CACNA1E: variants seen among roughly 807,000 people sequenced by gnomAD.
CACNA1E encodes voltage-dependent R-type calcium channel subunit alpha-1E.
Under a neutral mutation model 259.2 loss-of-function variants are expected in CACNA1E, and 40 were observed. The ratio of observed to expected loss-of-function variants is 0.15; its 90% CI spans 0.12 to 0.20. The LOEUF (loss-of-function observed/expected upper bound fraction) is 0.20, where lower values mean the gene tolerates loss of function less well. Ranked by LOEUF, CACNA1E falls within the 10% of genes least tolerant of loss-of-function variation. CACNA1E has a pLI of 1.00. For synonymous variants in CACNA1E, 1,104 were observed against 1,138.5 expected, an observed-to-expected ratio of 0.97 and a Z score of 0.61; for missense variants, 1,874 against 3,040.1, an observed-to-expected ratio of 0.62 and a Z score of 9.02.
chr1:181,550,918 G>A (rs1320515), intron 3 of CACNA1E, among the ~76,000 whole-genome samples: 21,955 of 151,954 alleles, frequency 0.14, 2,014 homozygotes, highest in Non-Finnish European at 0.2. Context: ...TGGAAGGCAA[G>A]CTTTATTTCT....
chr1:181,798,548 G>T lies in CACNA1E; in HGVS notation c.6656G>T (p.Ser2219Ile), dbSNP rs1662021654. The change falls in exon 48 of 48, where the codon AGC (serine) becomes ATC (isoleucine). Residue 2219 changes from serine to isoleucine, a missense_variant. This residue lies in a region of CACNA1E where 542 missense variants were observed against 587.2 expected (regional missense o/e 0.92). Coordinates refer to ENST00000367573, the MANE Select transcript of CACNA1E (RefSeq NM_001205293.3). The surrounding 1 kb of genome is among the most constrained non-coding windows in gnomAD (Gnocchi z 4.2). Reference sequence around the variant, plus strand: ...TCCAACTCTCCGCACCCCCAGCAGAGCCAACATGCCTCCCCACAGCGCTAC... The same window carrying T: ...TCCAACTCTCCGCACCCCCAGCAGATCCAACATGCCTCCCCACAGCGCTAC... The part of the protein sequence containing the change: ...ESSNSPHPQQ[S>I]QHASPQRYIS... 6.2e-7 allele frequency: 1 copy of T among 1,613,816 alleles called. No individual in the cohort carries two copies. The highest frequency in any genetic ancestry group is 8.5e-7 in the Non-Finnish European group (1 of 1,179,896).
At chr1:181,697,898 G>A (rs1651870059) in intron 7 of CACNA1E, among the ~76,000 whole-genome samples, 1 of 152,196 alleles carries the variant, frequency 6.6e-6, no homozygotes, top group Non-Finnish European at 1.5e-5. Flanking sequence ...ACATAAGGGT[G>A]GACTTTGCTA....
intron 39 of CACNA1E, 43 bp from the exon 40 acceptor site, chr1:181,783,636 T>A: frequency 9.0e-7 from 1 of 1,113,344 alleles, no homozygotes; most frequent in Non-Finnish European, 1.3e-6. Flanking sequence ...TCTTTCAATT[T>A]TTTTTTTTTT....
intron 7 of CACNA1E, among the ~76,000 whole-genome samples, chr1:181,655,700 C>T (rs184707626): frequency 8.3e-4 from 127 of 152,166 alleles, no homozygotes; most frequent in Non-Finnish European, 1.3e-3. Context: ...GGGCGATGAA[C>T]GGAAGTCTAG....
rs76048322 is a variant in CACNA1E at position 181,433,564 on chromosome 1, T to C, written c.434+19984T>C. Among the ~76,000 whole-genome samples, 332 of 152,326 alleles carry C rather than the reference T, an allele frequency of 2.2e-3. 2 individuals carry two copies. Among genetic ancestry groups the C allele is most frequent in the African/African-American group, 7.7e-3 (322 of 41,580 alleles). ...GAAACAATTGGGAAATATAGGAGCT[T>C]ATAAAGAATAATATAAAAATCACTC... On this transcript the variant is annotated intron_variant, in intron 2 of 11. Transcript: ENST00000524607.
At chr1:181,443,147 T>C (rs962929589) in intron 2 of CACNA1E, among the ~76,000 whole-genome samples, 1 of 152,250 alleles carries the variant, frequency 6.6e-6, no homozygotes, top group Non-Finnish European at 1.5e-5. Context: ...ACTCAATTTC[T>C]TTCTCTGCAA....
chr1:181,435,255 C>T (rs1293360206), intron 2 of CACNA1E, among the ~76,000 whole-genome samples: 2 of 152,206 alleles, frequency 1.3e-5, no homozygotes, highest in African/African-American at 2.4e-5. Flanking sequence ...TTTGCCTATG[C>T]TCTGTGAAGA....
chr1:181,668,190 C>T (rs1290351219), intron 7 of CACNA1E, among the ~76,000 whole-genome samples: 1 of 152,224 alleles, frequency 6.6e-6, no homozygotes, highest in Admixed American at 6.5e-5. Context: ...CTTGCCAACA[C>T]ATTCTTCTAA....
intron 6 of CACNA1E, among the ~76,000 whole-genome samples, chr1:181,591,615 T>C (rs957841905): frequency 1.3e-5 from 2 of 152,144 alleles, no homozygotes; most frequent in Non-Finnish European, 2.9e-5. Context: ...CTCATTTTTG[T>C]AAGTTTTATG....
intron 2 of CACNA1E, among the ~76,000 whole-genome samples, chr1:181,461,201 G>A (rs1306476744): frequency 6.6e-6 from 1 of 152,160 alleles, no homozygotes; most frequent in African/African-American, 2.4e-5. Context: ...GGTCAAAACA[G>A]TATCGGTTTA....
intron 7 of CACNA1E, among the ~76,000 whole-genome samples, chr1:181,676,776 A>G (rs763998484): frequency 7.9e-5 from 12 of 152,220 alleles, no homozygotes; most frequent in Non-Finnish European, 1.3e-4. Context: ...TCTGTGTATC[A>G]GCAAAGATTA....
chr1:181,617,835 C>T (rs138114228), intron 6 of CACNA1E, among the ~76,000 whole-genome samples: 21 of 152,322 alleles, frequency 1.4e-4, no homozygotes, highest in Admixed American at 7.2e-4. Context: ...AAAATGACTC[C>T]GTTGGATGTG....
intron 7 of CACNA1E, among the ~76,000 whole-genome samples, chr1:181,697,069 C>G (rs1018734415): frequency 1.3e-5 from 2 of 152,124 alleles, no homozygotes; most frequent in Non-Finnish European, 2.9e-5. Flanking sequence ...TTTCTGACCT[C>G]GGGTCCTATC....
In CACNA1E at chr1:181,755,975, G is replaced by C. The variant is rs778642255; in HGVS notation, c.4009G>C (p.Glu1337Gln). Residue 1337 changes from glutamate (E) to glutamine (Q), a missense_variant, in exon 29 of 48, where the codon GAG (glutamate) becomes CAG (glutamine). Glu to Gln is a conservative substitution (Grantham distance 29, BLOSUM62 2). Coordinates refer to ENST00000367573, the MANE Select transcript of CACNA1E (RefSeq NM_001205293.3). ...TTTTAGAGGCAACTATGTAGATCAT[G>C]AGAAAAACAAGATGGAGGTGAAGGG... is the stretch of plus-strand genomic sequence containing the variant. ...KECIGNYVDH[E>Q]KNKMEVKGRE... The C allele has an allele frequency of 6.2e-7, 1 of 1,613,870 alleles. No homozygotes were observed. The highest frequency in any genetic ancestry group is 2.2e-5 in the East Asian group (1 of 44,872).
chr1:181,323,304 T>A (rs1400551898), intron 1 of CACNA1E, among the ~76,000 whole-genome samples: 1 of 152,240 alleles, frequency 6.6e-6, no homozygotes, highest in Non-Finnish European at 1.5e-5. Flanking sequence ...ATTTCTTTTA[T>A]CAAATTATAT....
intron 1 of CACNA1E, among the ~76,000 whole-genome samples, chr1:181,397,449 C>T (rs1281630842): frequency 3.3e-5 from 5 of 152,138 alleles, no homozygotes; most frequent in Non-Finnish European, 5.9e-5. Flanking sequence ...TACAGGCATG[C>T]GTCACCACAC....
intron 1 of CACNA1E, among the ~76,000 whole-genome samples, chr1:181,320,234 A>G (rs1650232481): frequency 6.6e-6 from 1 of 152,194 alleles, no homozygotes; most frequent in Non-Finnish European, 1.5e-5. Flanking sequence ...GGAAGAGGAA[A>G]AAAAATCCTA....
intron 6 of CACNA1E, among the ~76,000 whole-genome samples, chr1:181,586,451 C>A (rs896972231): frequency 6.6e-5 from 10 of 152,030 alleles, no homozygotes; most frequent in African/African-American, 2.4e-4. Flanking sequence ...GATTCCAGGA[C>A]TGAGTTCTGA....
At chr1:181,484,082 T>A in intron 1 of CACNA1E, 72 bp downstream of exon 1, 1 of 1,450,812 alleles carries the variant, frequency 6.9e-7, no homozygotes, top group South Asian at 1.2e-5. Context: ...GTACCTAGCA[T>A]GGAATGTATC....
Sources: gnomAD v4.1 joint callset for allele counts (sites outside exome capture counted in the v4.1 genomes callset) on GRCh38, gnomAD v4.1.1 for gene constraint, gnomAD v4.1.1 regional missense constraint, Gnocchi (gnomAD v3.1) non-coding constraint, MANE v1.5 for transcripts, NCBI Gene and HGNC (gene_info 2026-07-23, HGNC 2026-07-21) for gene names.